The following C17orf100 variants were observed in gnomAD, a reference collection of about 807,000 sequenced individuals.
The protein encoded by C17orf100 is chromosome 17 open reading frame 100.
C17orf100 carries 1 observed loss-of-function variant against 0.7 expected under a neutral mutation model. The ratio of observed to expected loss-of-function variants is 1.50; its 90% CI spans 0.53 to 7.13. The LOEUF (loss-of-function observed/expected upper bound fraction) is 7.13. Among genes scored for constraint, C17orf100 ranks in the 30% most tolerant of loss-of-function variants. The probability of loss-of-function intolerance (pLI) is 0.14; values close to 1 mark genes in which losing one functional copy is unlikely to be tolerated. For missense variants in C17orf100, 168 were observed against 171.5 expected (o/e 0.98, Z 0.11); for synonymous variants, 87 against 84.0 (o/e 1.04, Z -0.20).
In C17orf100 at chr17:6,652,744, T is replaced by C. The variant is rs1597636716; in HGVS notation, c.*474T>C. 1 of 180,562 alleles carries C rather than the reference T, an allele frequency of 5.5e-6. No homozygotes were observed. The highest frequency in any genetic ancestry group is 1.3e-5 in the Non-Finnish European group (1 of 76,936). 11.2% of individuals were successfully genotyped at this position (180,562 alleles called of 1,614,324 possible). A position where few individuals can be genotyped will look rare whatever the true frequency, so the allele number is the denominator to read the frequency against. On this transcript the variant is annotated 3_prime_UTR_variant, in exon 1 of 1. Transcript: ENST00000542475. ...TAAATTATTAATTGGCCTTTGTTTA[T>C]GTTTCAAAGTAAATGGTCGTTTTCT...
chr17:6,652,231 C>A lies in C17orf100; in HGVS notation c.318C>A (p.Ala106=). The A allele has an allele frequency of 1.9e-6, 3 of 1,608,134 alleles. No homozygotes were observed. Among genetic ancestry groups the A allele is most frequent in the Non-Finnish European group, 1.7e-6 (2 of 1,179,720 alleles). ...GCGCGGAGAGCCCGACCCCGCGGGC[C>A]AAGCCGGCCGCCCGCCAGAACGAAA... is the stretch of plus-strand genomic sequence containing the variant. ...LHCAESPTPR[A]KPAARQNEKT... The change falls in exon 1 of 1, where the codon GCC becomes GCA. Residue 106 remains alanine (A), a synonymous_variant. Coordinates refer to ENST00000542475, the MANE Select transcript of C17orf100 (RefSeq NM_001105520.2).
In C17orf100 at chr17:6,651,812, C is replaced by T; in HGVS notation, c.-102C>T. 1 of 1,442,966 alleles carries T rather than the reference C, an allele frequency of 6.9e-7. No individual in the cohort carries two copies. Among genetic ancestry groups the T allele is most frequent in the South Asian group, 1.5e-5 (1 of 67,408 alleles). 89.4% of individuals were successfully genotyped at this position (1,442,966 alleles called of 1,614,324 possible). ...GCTTCCACGTCATCGTGTTGTGGCG[C>T]TCCCGGCTATGGCAGTACCGTAGTT... is the stretch of plus-strand genomic sequence containing the variant. On this transcript the variant is annotated 5_prime_UTR_variant, in exon 1 of 1. Coordinates refer to ENST00000542475, the MANE Select transcript of C17orf100 (RefSeq NM_001105520.2).
At position 6,652,165 on chromosome 17, in the gene C17orf100, C is replaced by T; in HGVS notation, c.252C>T (p.His84=). 4 of 1,603,860 alleles carry T rather than the reference C, an allele frequency of 2.5e-6. No homozygotes were observed. The highest frequency in any genetic ancestry group is 2.5e-6 in the Non-Finnish European group (3 of 1,179,300). ...SSQRTETTSR[H]VRASSLRVET... ...AGCGCACGGAAACGACCTCCCGCCACGTCAGAGCCTCGTCCCTGAGGGTGG... is the reference window on the plus strand; with the variant it reads ...AGCGCACGGAAACGACCTCCCGCCATGTCAGAGCCTCGTCCCTGAGGGTGG... The change falls in exon 1 of 1, where the codon CAC becomes CAT. Residue 84 remains histidine, a synonymous_variant. Transcript: ENST00000542475.
chr17:6,652,185 G>T lies in C17orf100; in HGVS notation c.272G>T (p.Arg91Met). The part of the protein sequence containing the change: ...TSRHVRASSL[R>M]VETSLHCAES... ...CGCCACGTCAGAGCCTCGTCCCTGA[G>T]GGTGGAGACGTCTCTGCACTGCGCG... Residue 91 changes from arginine (R) to methionine (M), a missense_variant, in exon 1 of 1, where the codon AGG becomes ATG. Coordinates refer to ENST00000542475, the MANE Select transcript of C17orf100 (RefSeq NM_001105520.2). 6.2e-7 allele frequency: 1 copy of T among 1,605,500 alleles called. No homozygotes were observed. The highest frequency in any genetic ancestry group is 8.5e-7 in the Non-Finnish European group (1 of 1,179,622).
Position 6,651,897 on chromosome 17 carries a change from C to G in C17orf100, c.-17C>G. ...TAGGGTGCCCCGAGGCCTCCCTGGC[C>G]CCCTCACGCCGGCAGAATGGCCTCA... is the stretch of plus-strand genomic sequence containing the variant. On this transcript the variant is annotated 5_prime_UTR_variant, in exon 1 of 1. Coordinates refer to ENST00000542475, the MANE Select transcript of C17orf100 (RefSeq NM_001105520.2). 6.8e-7 allele frequency: 1 copy of G among 1,467,024 alleles called. No homozygotes were observed. The highest frequency in any genetic ancestry group is 1.4e-5 in the South Asian group (1 of 71,172). 90.9% of individuals were successfully genotyped at this position (1,467,024 alleles called of 1,614,324 possible).
At position 6,651,904 on chromosome 17, in the gene C17orf100, C is replaced by T; in HGVS notation, c.-10C>T. ...CCCCGAGGCCTCCCTGGCCCCCTCA[C>T]GCCGGCAGAATGGCCTCAGCCCGAG... On this transcript the variant is annotated 5_prime_UTR_variant, in exon 1 of 1. It adds an upstream start codon to the 5' untranslated region. Coordinates refer to ENST00000542475, the MANE Select transcript of C17orf100 (RefSeq NM_001105520.2). 5 of 1,471,470 alleles carry T rather than the reference C, an allele frequency of 3.4e-6. No individual in the cohort carries two copies. Among genetic ancestry groups the T allele is most frequent in the Non-Finnish European group, 4.5e-6 (5 of 1,107,810 alleles). 91.2% of individuals were successfully genotyped at this position (1,471,470 alleles called of 1,614,324 possible).
In C17orf100 at chr17:6,652,251, A is replaced by T. The variant is rs985224669; in HGVS notation, c.338A>T (p.Asn113Ile). Residue 113 changes from asparagine (N) to isoleucine (I), a missense_variant, in exon 1 of 1, where the codon AAC (asparagine) becomes ATC (isoleucine). By Grantham distance (149) the Asn-to-Ile change is moderately radical. Coordinates refer to ENST00000542475, the MANE Select transcript of C17orf100 (RefSeq NM_001105520.2). Reference sequence around the variant, plus strand: ...CGGGCCAAGCCGGCCGCCCGCCAGAACGAAAAAACGGCCCGATGAGATGCT... The same window carrying T: ...CGGGCCAAGCCGGCCGCCCGCCAGATCGAAAAAACGGCCCGATGAGATGCT... ...TPRAKPAARQ[N>I]EKTAR 8.7e-6 allele frequency: 14 copies of T among 1,610,606 alleles called. No individual in the cohort carries two copies. The highest frequency in any genetic ancestry group is 2.2e-5 in the East Asian group (1 of 44,878).
chr17:6,651,937 G>T lies in C17orf100; in HGVS notation c.24G>T (p.Lys8Asn). The change falls in exon 1 of 1, where the codon AAG becomes AAT. Residue 8 changes from lysine to asparagine, a missense_variant. By Grantham distance (94) the Lys-to-Asn change is moderately conservative (BLOSUM62 0). Coordinates refer to ENST00000542475, the MANE Select transcript of C17orf100 (RefSeq NM_001105520.2). MASARGA[K>N]QSSPRVGTTR... ...GAATGGCCTCAGCCCGAGGGGCCAA[G>T]CAGTCTTCGCCCCGGGTGGGGACCA... 2 of 1,507,808 alleles carry T rather than the reference G, an allele frequency of 1.3e-6. No individual in the cohort carries two copies. Among genetic ancestry groups the T allele is most frequent in the Non-Finnish European group, 1.8e-6 (2 of 1,123,182 alleles). 93.4% of individuals were successfully genotyped at this position (1,507,808 alleles called of 1,614,324 possible). A position where few individuals can be genotyped will look rare whatever the true frequency, so the allele number is the denominator to read the frequency against.
Position 6,652,479 on chromosome 17 carries a change from A to G in C17orf100, c.*209A>G, listed in dbSNP as rs1164207083. The stretch of plus-strand genomic sequence containing the variant: ...ACCGTCCTGCGTCTTGGACCAGCCT[A>G]CTTTTGACCCAGTGAACTATTTTCA... On this transcript the variant is annotated 3_prime_UTR_variant, in exon 1 of 1. Transcript: ENST00000542475. 17 of 1,453,652 alleles carry G rather than the reference A, an allele frequency of 1.2e-5. No individual in the cohort carries two copies. The highest frequency in any genetic ancestry group is 2.9e-5 in the African/African-American group (2 of 69,792). The allele number at this position is 1,453,652 out of a possible 1,614,324, so 90.0% of individuals were successfully genotyped here.
Position 6,651,997 on chromosome 17 carries a change from G to T in C17orf100, c.84G>T (p.Glu28Asp). The T allele has an allele frequency of 6.4e-7, 1 of 1,554,736 alleles. No individual in the cohort carries two copies. Among genetic ancestry groups the T allele is most frequent in the Non-Finnish European group, 8.7e-7 (1 of 1,149,210 alleles). The change falls in exon 1 of 1, where the codon GAG (glutamate) becomes GAT (aspartate). Residue 28 changes from glutamate (E) to aspartate (D), a missense_variant. Physicochemically the swap from Glu to Asp is conservative, Grantham distance 45. Transcript: ENST00000542475. The stretch of plus-strand genomic sequence containing the variant: ...CAGAGACGTCCACGGTCCGCGTGGA[G>T]ACCTCGTCCCACCGCGTGGAGACGT... ...RYTETSTVRVETSSHRVETSS... is the reference protein window; with the variant it reads ...RYTETSTVRVDTSSHRVETSS...
chr17:6,652,058 G>C lies in C17orf100; in HGVS notation c.145G>C (p.Glu49Gln), dbSNP rs780216214. 3 of 1,560,780 alleles carry C rather than the reference G, an allele frequency of 1.9e-6. No homozygotes were observed. The South Asian group carries it at 3.5e-5, about 18-fold the overall frequency. ...RRVETSQRRS[E>Q]GPSLSPSGKR... ...GGTGGAGACCTCCCAGCGCCGCAGC[G>C]AGGGGCCCTCCCTCTCCCCCTCGGG... Residue 49 changes from glutamate to glutamine, a missense_variant, in exon 1 of 1, where the codon GAG (glutamate) becomes CAG (glutamine). Physicochemically the swap from Glu to Gln is conservative, Grantham distance 29. Coordinates refer to ENST00000542475, the MANE Select transcript of C17orf100 (RefSeq NM_001105520.2).
Position 6,652,305 on chromosome 17 carries a change from G to A in C17orf100, c.*35G>A. ...TCCCAAAGGCCACCAAGGGGCCAGG[G>A]CCCTCAGCCAGGACAGAAAGGCCTC... On this transcript the variant is annotated 3_prime_UTR_variant, in exon 1 of 1. Transcript: ENST00000542475. 10 of 1,608,938 alleles carry A rather than the reference G, an allele frequency of 6.2e-6. No individual in the cohort carries two copies. The highest frequency in any genetic ancestry group is 2.2e-5 in the South Asian group (2 of 90,252).
Position 6,651,886 on chromosome 17 carries a change from G to T in C17orf100, c.-28G>T. On this transcript the variant is annotated 5_prime_UTR_variant, in exon 1 of 1. Coordinates refer to ENST00000542475, the MANE Select transcript of C17orf100 (RefSeq NM_001105520.2). ...CCATTGGGCTGTAGGGTGCCCCGAG[G>T]CCTCCCTGGCCCCCTCACGCCGGCA... 6.9e-7 allele frequency: 1 copy of T among 1,459,850 alleles called. No individual in the cohort carries two copies. Among genetic ancestry groups the T allele is most frequent in the East Asian group, 2.5e-5 (1 of 40,172 alleles). The allele number at this position is 1,459,850 out of a possible 1,614,324, so 90.4% of individuals were successfully genotyped here.
At position 6,652,347 on chromosome 17, in the gene C17orf100, A is replaced by C. The variant is rs1426473304; in HGVS notation, c.*77A>C. The stretch of plus-strand genomic sequence containing the variant: ...AAAGGCCTCCAGTTGCCAGCCAGCC[A>C]GCCAGCTGCCAGGTGGACCAATCAT... On this transcript the variant is annotated 3_prime_UTR_variant, in exon 1 of 1. Coordinates refer to ENST00000542475, the MANE Select transcript of C17orf100 (RefSeq NM_001105520.2). 6.3e-7 allele frequency: 1 copy of C among 1,585,532 alleles called. No individual in the cohort carries two copies.
In C17orf100 at chr17:6,652,852, C is replaced by T. The variant is rs915389879; in HGVS notation, c.*582C>T. On this transcript the variant is annotated 3_prime_UTR_variant, in exon 1 of 1. Coordinates refer to ENST00000542475, the MANE Select transcript of C17orf100 (RefSeq NM_001105520.2). ...GATGTGGTTAAAAATGACAGTAAAC[C>T]CACCAGCAAGCAAAAATAATCTTAG... 1 of 165,080 alleles carries T rather than the reference C, an allele frequency of 6.1e-6. No individual in the cohort carries two copies. The highest frequency in any genetic ancestry group is 6.6e-5 in the Admixed American group (1 of 15,112). The allele number at this position is 165,080 out of a possible 1,614,324, so 10.2% of individuals were successfully genotyped here. A position where few individuals can be genotyped will look rare whatever the true frequency, so the allele number is the denominator to read the frequency against.
Position 6,652,566 on chromosome 17 carries a change from A to C in C17orf100, c.*296A>C. The stretch of plus-strand genomic sequence containing the variant: ...GCTGTCTAAATCGGGTTGATGGACA[A>C]AGAGAGGCTGTTTGAGCCTCTGAGC... On this transcript the variant is annotated 3_prime_UTR_variant, in exon 1 of 1. Transcript: ENST00000542475. 8.1e-7 allele frequency: 1 copy of C among 1,229,084 alleles called. No homozygotes were observed. The highest frequency in any genetic ancestry group is 1.1e-6 in the Non-Finnish European group (1 of 936,566). The allele number at this position is 1,229,084 out of a possible 1,614,324, so 76.1% of individuals were successfully genotyped here.
Position 6,652,244 on chromosome 17 carries a change from C to G in C17orf100, c.331C>G (p.Arg111Gly). 1 of 1,609,856 alleles carries G rather than the reference C, an allele frequency of 6.2e-7. No homozygotes were observed. The highest frequency in any genetic ancestry group is 8.5e-7 in the Non-Finnish European group (1 of 1,179,760). Residue 111 changes from arginine (R) to glycine (G), a missense_variant, in exon 1 of 1, where the codon CGC (arginine) becomes GGC (glycine). Transcript: ENST00000542475. ...SPTPRAKPAA[R>G]QNEKTAR Reference sequence around the variant, plus strand: ...GACCCCGCGGGCCAAGCCGGCCGCCCGCCAGAACGAAAAAACGGCCCGATG... The same window carrying G: ...GACCCCGCGGGCCAAGCCGGCCGCCGGCCAGAACGAAAAAACGGCCCGATG...
At position 6,652,912 on chromosome 17, in the gene C17orf100, G is replaced by C. The variant is rs558778493; in HGVS notation, c.*642G>C. Reference sequence around the variant, plus strand: ...GGAGGTCACTGAAACCTGGCCTGAGGTTTGAAGAAGATGGAGAAGAGTTAT... The same window carrying C: ...GGAGGTCACTGAAACCTGGCCTGAGCTTTGAAGAAGATGGAGAAGAGTTAT... On this transcript the variant is annotated 3_prime_UTR_variant, in exon 1 of 1. Transcript: ENST00000542475. The C allele has an allele frequency of 6.0e-6, 1 of 167,352 alleles. No individual in the cohort carries two copies. The highest frequency in any genetic ancestry group is 2.4e-5 in the African/African-American group (1 of 41,542). The allele number at this position is 167,352 out of a possible 1,614,324, so 10.4% of individuals were successfully genotyped here.
rs1567604143 is a variant in C17orf100, at chr17:6,652,715, C to G, written c.*445C>G. 1.0e-5 allele frequency: 2 copies of G among 196,584 alleles called. No individual in the cohort carries two copies. Among genetic ancestry groups the G allele is most frequent in the Admixed American group, 1.2e-4 (2 of 16,774 alleles). 12.2% of individuals were successfully genotyped at this position (196,584 alleles called of 1,614,324 possible). On this transcript the variant is annotated 3_prime_UTR_variant, in exon 1 of 1. Coordinates refer to ENST00000542475, the MANE Select transcript of C17orf100 (RefSeq NM_001105520.2). ...AAAAACTCGAGGGACAAGGAACAGACTCATAAATTATTAATTGGCCTTTGT... is the reference window on the plus strand; with the variant it reads ...AAAAACTCGAGGGACAAGGAACAGAGTCATAAATTATTAATTGGCCTTTGT...
Sources: gnomAD v4.1 joint callset for allele counts on GRCh38, gnomAD v4.1.1 for gene constraint, MANE v1.5 for transcripts, NCBI Gene and HGNC (gene_info 2026-07-23, HGNC 2026-07-21) for gene names.